Variants in HOATZ observed in about 807,000 individuals in gnomAD.
HOATZ encodes the protein cilia- and flagella-associated protein HOATZ.
Under a neutral mutation model 24.9 loss-of-function variants are expected in HOATZ, and 26 were observed. That is an observed-to-expected ratio of 1.04 (90% confidence interval 0.76 to 1.45). HOATZ has a LOEUF of 1.45. Ranked by LOEUF, HOATZ falls within the 40% of genes most tolerant of loss-of-function variation. The pLI is 0.00. For missense variants in HOATZ, 226 were observed against 201.5 expected, an observed-to-expected ratio of 1.12 and a Z score of -0.74; for synonymous variants, 83 against 76.6, an observed-to-expected ratio of 1.08 and a Z score of -0.43.
intron 3 of HOATZ, among the ~76,000 whole-genome samples, chr11:111,531,272 C>A (rs1323724415): frequency 6.7e-6 from 1 of 148,716 alleles, no homozygotes; most frequent in Non-Finnish European, 1.5e-5. Context: ...TTACACAGTA[C>A]AATGATTGCA....
intron 3 of HOATZ, among the ~76,000 whole-genome samples, chr11:111,524,479 C>T (rs1867310729): frequency 6.6e-6 from 1 of 152,142 alleles, no homozygotes; most frequent in African/African-American, 2.4e-5. Flanking sequence ...ACCCCTCTCC[C>T]AGAGAATCTG....
intron 3 of HOATZ, among the ~76,000 whole-genome samples, chr11:111,525,284 A>C (rs932562104): frequency 2.6e-5 from 4 of 152,206 alleles, no homozygotes; most frequent in African/African-American, 9.7e-5. Flanking sequence ...CTTTCATTAT[A>C]AAGGACACAT....
chr11:111,534,084 T>G (rs1867422632), intron 4 of HOATZ, among the ~76,000 whole-genome samples: 1 of 152,230 alleles, frequency 6.6e-6, no homozygotes, highest in Admixed American at 6.5e-5. Context: ...GATATTAACA[T>G]GGGCTATTTC....
At chr11:111,519,236 T>G (rs1236449871) in intron 3 of HOATZ, 1 of 240,790 alleles carries the variant, frequency 4.2e-6, no homozygotes, top group African/African-American at 2.2e-5. Flanking sequence ...ATTCACTCTA[T>G]AAAGGCAGGG....
intron 3 of HOATZ, among the ~76,000 whole-genome samples, chr11:111,531,017 G>A (rs1867387746): frequency 6.6e-6 from 1 of 152,078 alleles, no homozygotes; most frequent in Non-Finnish European, 1.5e-5. Flanking sequence ...AAAATAACTT[G>A]AAGTCAAGGA....
intron 3 of HOATZ, among the ~76,000 whole-genome samples, chr11:111,530,826 G>A (rs978477618): frequency 6.6e-6 from 1 of 152,132 alleles, no homozygotes; most frequent in Non-Finnish European, 1.5e-5. Flanking sequence ...TTTCCTGGCA[G>A]AGATTTCCTA....
chr11:111,530,326 C>T (rs1399585598), intron 3 of HOATZ, among the ~76,000 whole-genome samples: 2 of 152,308 alleles, frequency 1.3e-5, no homozygotes, highest in African/African-American at 2.4e-5. Context: ...CCATTCAACA[C>T]ACAGCGGAAC....
intron 3 of HOATZ, among the ~76,000 whole-genome samples, chr11:111,520,768 T>C (rs1203572568): frequency 6.6e-6 from 1 of 152,244 alleles, no homozygotes; most frequent in Non-Finnish European, 1.5e-5. Context: ...CCACTTGGGA[T>C]ATGAATCATC....
chr11:111,533,903 A>G lies in HOATZ; in HGVS notation c.399+98A>G, dbSNP rs1591559052. 2.9e-5 allele frequency: 24 copies of G among 840,534 alleles called. No homozygotes were observed. In the East Asian group the frequency reaches 6.5e-4, roughly 23 times the overall value. The allele number at this position is 840,534 out of a possible 1,614,324, so 52.1% of individuals were successfully genotyped here. A position where few individuals can be genotyped will look rare whatever the true frequency, so the allele number is the denominator to read the frequency against. The stretch of plus-strand genomic sequence containing the variant: ...ATAGATTGAACCCTTAAATCTAGCT[A>G]GCTATAGTCCAGAGCCATTGATATA... On this transcript the variant is annotated intron_variant, in intron 4 of 5. Coordinates refer to ENST00000375618, the MANE Select transcript of HOATZ (RefSeq NM_001100388.2).
chr11:111,529,999 CA>C (rs1030237980), intron 3 of HOATZ, among the ~76,000 whole-genome samples: 8 of 152,248 alleles, frequency 5.3e-5, no homozygotes, highest in African/African-American at 1.9e-4. Context: ...TGCCTGTAGA[CA>C]AAAAGCAGAC....
At chr11:111,518,907 C>T in intron 3 of HOATZ, 1 of 403,722 alleles carries the variant, frequency 2.5e-6, no homozygotes, top group Non-Finnish European at 5.0e-6. Flanking sequence ...TAGATCTCTT[C>T]TCTGTGCTCC....
At chr11:111,524,405 G>A (rs1397759175) in intron 3 of HOATZ, among the ~76,000 whole-genome samples, 16 of 152,340 alleles carry the variant, frequency 1.1e-4, no homozygotes. Context: ...AGGTTTAACA[G>A]CATGTAAGAG....
intron 3 of HOATZ, among the ~76,000 whole-genome samples, chr11:111,520,031 G>A (rs1867251851): frequency 6.6e-6 from 1 of 152,110 alleles, no homozygotes; most frequent in Admixed American, 6.5e-5. Flanking sequence ...TGCTATTTCT[G>A]TGATGGATAT....
rs77968758 is a variant in HOATZ at position 111,514,987 on chromosome 11, G to A, written c.203G>A (p.Arg68Gln). The A allele has an allele frequency of 1.9e-6, 3 of 1,613,004 alleles. No homozygotes were observed. Among genetic ancestry groups the A allele is most frequent in the African/African-American group, 2.7e-5 (2 of 74,874 alleles). Residue 68 changes from arginine to glutamine, a missense_variant, in exon 1 of 6, where the codon CGG (arginine) becomes CAG (glutamine). By Grantham distance (43) the Arg-to-Gln change is conservative. Coordinates refer to ENST00000375618, the MANE Select transcript of HOATZ (RefSeq NM_001100388.2). ...RDSSQRLPVA[R>Q]PRRSRGSENS... ...AGCAGTCAGCGTCTGCCGGTGGCGC[G>A]GCCCAGGAGGAGCAGAGGGTCTGGT...
In HOATZ at chr11:111,514,913, G is replaced by C; in HGVS notation, c.129G>C (p.Ser43=). ...DANLAKQFWI[S]ASMYPPSESQ... is the part of the protein sequence containing the mutation. ...ACTTGGCTAAGCAGTTCTGGATCTC[G>C]GCGTCGATGTATCCCCCTAGCGAAT... is the stretch of plus-strand genomic sequence containing the variant. Residue 43 remains serine, a synonymous_variant, in exon 1 of 6, where the codon TCG becomes TCC. Coordinates refer to ENST00000375618, the MANE Select transcript of HOATZ (RefSeq NM_001100388.2). 2 of 1,614,114 alleles carry C rather than the reference G, an allele frequency of 1.2e-6. No individual in the cohort carries two copies. The highest frequency in any genetic ancestry group is 2.2e-5 in the South Asian group (2 of 91,078).
intron 5 of HOATZ, 162 bp downstream of exon 5, chr11:111,534,626 T>C: frequency 1.6e-6 from 1 of 644,112 alleles, no homozygotes; most frequent in Non-Finnish European, 2.8e-6. Context: ...CGCACAGCTA[T>C]TAAAGCCTGT....
At chr11:111,533,256 C>T (rs1867412030) in intron 3 of HOATZ, among the ~76,000 whole-genome samples, 1 of 152,150 alleles carries the variant, frequency 6.6e-6, no homozygotes, top group Admixed American at 6.6e-5. Context: ...GGATCAAATC[C>T]GGTTCTGCCA....
At chr11:111,532,299 G>GC (rs150614546) in intron 3 of HOATZ, among the ~76,000 whole-genome samples, 7 of 152,020 alleles carry the variant, frequency 4.6e-5, no homozygotes, top group East Asian at 1.9e-4. Context: ...GTTGAAATAC[G>GC]CCCCCCCACA....
intron 3 of HOATZ, among the ~76,000 whole-genome samples, chr11:111,521,021 T>C (rs930310683): frequency 5.9e-5 from 9 of 152,196 alleles, no homozygotes; most frequent in Non-Finnish European, 1.0e-4. Flanking sequence ...CAGGCAACCA[T>C]TGAGGGTCTT....
Sources: gnomAD v4.1 joint callset for allele counts (sites outside exome capture counted in the v4.1 genomes callset) on GRCh38, gnomAD v4.1.1 for gene constraint, MANE v1.5 for transcripts, NCBI Gene and HGNC (gene_info 2026-07-23, HGNC 2026-07-21) for gene names.